EPHA6: variants seen among roughly 807,000 people sequenced by gnomAD.
EPHA6 encodes EPH receptor A6.
EPHA6 carries 50 observed loss-of-function variants against 112.0 expected under a neutral mutation model. The ratio of observed to expected loss-of-function variants is 0.45; its 90% CI spans 0.36 to 0.56. The LOEUF (loss-of-function observed/expected upper bound fraction) is 0.56. Among genes scored for constraint, EPHA6 ranks in the 20% least tolerant of loss-of-function variants. EPHA6 has a pLI of 0.00. For synonymous variants in EPHA6, 529 were observed against 490.7 expected, an observed-to-expected ratio of 1.08 and a Z score of -1.03; for missense variants, 1,280 against 1,417.4, an observed-to-expected ratio of 0.90 and a Z score of 1.56.
chr3:97,348,708 G>T (rs2083655686), intron 5 of EPHA6, among the ~76,000 whole-genome samples: 1 of 151,944 alleles, frequency 6.6e-6, no homozygotes, highest in Non-Finnish European at 1.5e-5. Flanking sequence ...TATCAGGAAG[G>T]TTTTTCATCA....
chr3:97,568,641 A>T (rs2093298402), intron 11 of EPHA6, among the ~76,000 whole-genome samples: 1 of 152,156 alleles, frequency 6.6e-6, no homozygotes, highest in South Asian at 2.1e-4. Flanking sequence ...TTTAATCAAG[A>T]CTTTTCTCCT....
At chr3:96,923,997 G>A (rs1444647121) in intron 2 of EPHA6, among the ~76,000 whole-genome samples, 4 of 152,032 alleles carry the variant, frequency 2.6e-5, no homozygotes, top group African/African-American at 9.7e-5. Context: ...GGTTACATTG[G>A]TCTATGTGTC....
intron 5 of EPHA6, among the ~76,000 whole-genome samples, chr3:97,316,341 G>T (rs1375705412): frequency 6.6e-6 from 1 of 151,740 alleles, no homozygotes; most frequent in Non-Finnish European, 1.5e-5. Context: ...GTCTTAAGAT[G>T]AAAACACTCT....
chr3:97,174,118 C>T (rs2076771069), intron 3 of EPHA6, among the ~76,000 whole-genome samples: 1 of 151,292 alleles, frequency 6.6e-6, no homozygotes, highest in Admixed American at 6.6e-5. Context: ...TTTTAGATCC[C>T]ACAGATAAGT....
intron 5 of EPHA6, among the ~76,000 whole-genome samples, chr3:97,311,811 A>ATCTTACTCTATTGTT (rs370834481): frequency 0.11 from 17,318 of 151,540 alleles, 1,970 homozygotes; most frequent in African/African-American, 0.25. Context: ...GATTTTCAAA[A>ATCTTACTCTATTGTT]CAAAACAAAA....
rs551266454 is a variant in EPHA6, at chr3:97,654,578, G to T, written c.2784+16496G>T. 3.9e-5 allele frequency among the ~76,000 whole-genome samples: 6 copies of T among 152,060 alleles called. No individual in the cohort carries two copies. The South Asian group carries it at 8.3e-4, about 21-fold the overall frequency. On this transcript the variant is annotated intron_variant, in intron 14 of 17. Transcript: ENST00000389672. ...GGCCAGTAAATATTTCTTTAATAAG[G>T]TTGTCACCTTTGAAGTAAGACCTGA...
At chr3:97,407,541 T>A (rs1253164451) in intron 6 of EPHA6, among the ~76,000 whole-genome samples, 2 of 151,926 alleles carry the variant, frequency 1.3e-5, no homozygotes, top group Non-Finnish European at 2.9e-5. Flanking sequence ...AGAAAACATA[T>A]TGCTTTATGG....
At chr3:97,032,182 A>C (rs1337695280) in intron 3 of EPHA6, among the ~76,000 whole-genome samples, 6 of 152,114 alleles carry the variant, frequency 3.9e-5, no homozygotes, top group South Asian at 2.1e-4. Context: ...TCATTCTCAG[A>C]AAACTATCGC....
chr3:97,243,277 T>A (rs1463567112), intron 4 of EPHA6, among the ~76,000 whole-genome samples: 4 of 151,892 alleles, frequency 2.6e-5, no homozygotes, highest in Non-Finnish European at 5.9e-5. Flanking sequence ...ATGAAAGTCC[T>A]GCCATCATTT....
In EPHA6 at chr3:96,979,464, G is replaced by T. The variant is rs1559639558; in HGVS notation, c.451-7866G>T. 5.9e-5 allele frequency among the ~76,000 whole-genome samples: 9 copies of T among 152,156 alleles called. No homozygotes were observed. The South Asian group carries it at 1.9e-3, about 32-fold the overall frequency. ...CCAGTCTATCATTGATGGACATTTG[G>T]GTTGGTTCTAAGTCTTTGCTATTGT... On this transcript the variant is annotated intron_variant, in intron 2 of 17. Coordinates refer to ENST00000389672, the MANE Select transcript of EPHA6 (RefSeq NM_001080448.3).
At chr3:97,055,381 G>A (rs190498538) in intron 3 of EPHA6, among the ~76,000 whole-genome samples, 20 of 152,204 alleles carry the variant, frequency 1.3e-4, no homozygotes, top group Middle Eastern at 3.4e-3. Context: ...CTCATCCATA[G>A]GGGGAACTTG....
chr3:96,919,622 C>T (rs936305365), intron 2 of EPHA6, among the ~76,000 whole-genome samples: 25 of 151,882 alleles, frequency 1.6e-4, no homozygotes, highest in African/African-American at 5.8e-4. Flanking sequence ...ACTGTAATAA[C>T]TTGTAGGTAT....
At chr3:96,881,106 A>G (rs892677398) in intron 2 of EPHA6, among the ~76,000 whole-genome samples, 4 of 152,118 alleles carry the variant, frequency 2.6e-5, no homozygotes, top group Admixed American at 2.6e-4. Context: ...ACTGTTTTCC[A>G]TAGTGGCTGA....
In EPHA6 at chr3:97,492,782, G is replaced by A. The variant is rs2091882594; in HGVS notation, c.2200+8723G>A. 2.6e-5 allele frequency among the ~76,000 whole-genome samples: 4 copies of A among 151,742 alleles called. No individual in the cohort carries two copies. The South Asian group carries it at 8.3e-4, about 32-fold the overall frequency. On this transcript the variant is annotated intron_variant, in intron 10 of 17. Coordinates refer to ENST00000389672, the MANE Select transcript of EPHA6 (RefSeq NM_001080448.3). ...AGATCGCATTAGAAAGACTGAATTAGGCATTTAGATATACTGTTAAAGATA... is the reference window on the plus strand; with the variant it reads ...AGATCGCATTAGAAAGACTGAATTAAGCATTTAGATATACTGTTAAAGATA...
chr3:97,652,803 A>G (rs908450223), intron 14 of EPHA6, among the ~76,000 whole-genome samples: 10 of 151,410 alleles, frequency 6.6e-5, no homozygotes, highest in Non-Finnish European at 1.5e-5. Flanking sequence ...ACAGAAACTT[A>G]CTCCTGTTTT....
chr3:96,933,158 G>T (rs939277695), intron 2 of EPHA6, among the ~76,000 whole-genome samples: 3 of 151,968 alleles, frequency 2.0e-5, no homozygotes, highest in African/African-American at 7.2e-5. Flanking sequence ...GGTTTGTTTC[G>T]AAATTAGCCT....
rs531302855 is a variant in EPHA6, at chr3:97,174,909, C to T, written c.1115-51355C>T. On this transcript the variant is annotated intron_variant, in intron 3 of 17. Transcript: ENST00000389672. ...GAGCCTTTTCAACTTGATGTGATTT[C>T]ATTTGTCCATTTTTGCTTTGGTTGC... Among the ~76,000 whole-genome samples, 6 of 151,894 alleles carry T rather than the reference C, an allele frequency of 4.0e-5. No homozygotes were observed. The East Asian group carries it at 1.2e-3, about 29-fold the overall frequency.
intron 1 of EPHA6, among the ~76,000 whole-genome samples, chr3:96,818,771 A>G (rs1284645788): frequency 6.6e-6 from 1 of 151,956 alleles, no homozygotes; most frequent in Non-Finnish European, 1.5e-5. Flanking sequence ...TTGTTAAATT[A>G]GGAACACTGG....
chr3:97,610,199 A>G (rs2093708441), intron 12 of EPHA6, among the ~76,000 whole-genome samples: 1 of 151,646 alleles, frequency 6.6e-6, no homozygotes, highest in Non-Finnish European at 1.5e-5. Flanking sequence ...TGAAGACATA[A>G]TCAGGAACTA....
Sources: allele counts gnomAD v4.1 joint callset (sites outside exome capture counted in the v4.1 genomes callset), GRCh38; gene constraint gnomAD v4.1.1; transcripts MANE v1.5; gene names NCBI Gene and HGNC (gene_info 2026-07-23, HGNC 2026-07-21).